TAPT1: variants seen among roughly 807,000 people sequenced by gnomAD.
The protein encoded by TAPT1 is transmembrane anterior posterior transformation protein 1 homolog.
A neutral mutation model predicts 65.6 loss-of-function variants in TAPT1; 28 were observed. That is an observed-to-expected ratio of 0.43 (90% CI 0.32 to 0.59). The LOEUF (loss-of-function observed/expected upper bound fraction) is 0.59. Ranked by LOEUF, TAPT1 falls within the 20% of genes least tolerant of loss-of-function variation. TAPT1 has a pLI of 0.09. For missense variants in TAPT1, 563 were observed against 679.9 expected (o/e 0.83, Z 1.91); for synonymous variants, 278 against 245.2 (o/e 1.13, Z -1.25).
In TAPT1 at chr4:16,163,257, C is replaced by T. The variant is rs1239447431; in HGVS notation, c.*51G>A. On this transcript the variant is annotated 3_prime_UTR_variant, in exon 14 of 14. Coordinates refer to ENST00000405303, the MANE Select transcript of TAPT1 (RefSeq NM_153365.3). ...TTAGCATCTATTTGTCCTGGCAACACAGCACTTGTTGCCCCAGGACCCAGC... is the reference window on the plus strand; with the variant it reads ...TTAGCATCTATTTGTCCTGGCAACATAGCACTTGTTGCCCCAGGACCCAGC... 1 of 1,318,320 alleles carries T rather than the reference C, an allele frequency of 7.6e-7. No homozygotes were observed. The highest frequency in any genetic ancestry group is 1.4e-5 in the African/African-American group (1 of 69,066). 81.7% of individuals were successfully genotyped at this position (1,318,320 alleles called of 1,614,324 possible). A position where few individuals can be genotyped will look rare whatever the true frequency, so the allele number is the denominator to read the frequency against.
chr4:16,203,758 C>T (rs1750178263), intron 2 of TAPT1, among the ~76,000 whole-genome samples: 1 of 152,178 alleles, frequency 6.6e-6, no homozygotes, highest in South Asian at 2.1e-4. Flanking sequence ...TTGTTTAAAC[C>T]ACCCAGTCTA....
At chr4:16,214,135 C>G (rs948077645) in intron 1 of TAPT1, among the ~76,000 whole-genome samples, 3 of 152,114 alleles carry the variant, frequency 2.0e-5, no homozygotes, top group Non-Finnish European at 2.9e-5. Context: ...TTATTAAGGG[C>G]TAGAATAGTC....
chr4:16,179,523 G>T, intron 8 of TAPT1, 54 bp downstream of exon 8: 1 of 1,087,226 alleles, frequency 9.2e-7, no homozygotes, highest in South Asian at 1.6e-5. Flanking sequence ...GTAAAAGAAT[G>T]ATTTTGGCTT....
At chr4:16,165,386 T>G (rs751189241) in intron 13 of TAPT1, among the ~76,000 whole-genome samples, 6 of 151,564 alleles carry the variant, frequency 4.0e-5, no homozygotes, top group Non-Finnish European at 8.8e-5. Flanking sequence ...CTGGCTAACA[T>G]GGTGAAACCC....
chr4:16,217,985 AT>A (rs1751037653), intron 1 of TAPT1, among the ~76,000 whole-genome samples: 1 of 152,242 alleles, frequency 6.6e-6, no homozygotes, highest in South Asian at 2.1e-4. Flanking sequence ...GGAGATCCTC[AT>A]TGTCCACACT....
chr4:16,194,533 T>C (rs551390413), intron 3 of TAPT1, among the ~76,000 whole-genome samples: 1 of 152,254 alleles, frequency 6.6e-6, no homozygotes, highest in African/African-American at 2.4e-5. Flanking sequence ...GAACCTACTA[T>C]CTTTCTGTAA....
chr4:16,205,592 G>A (rs768785647), intron 2 of TAPT1, among the ~76,000 whole-genome samples: 2 of 152,136 alleles, frequency 1.3e-5, no homozygotes, highest in African/African-American at 2.4e-5. Flanking sequence ...TCTGTAAAGC[G>A]TGTGTATTTG....
At chr4:16,199,181 T>A (rs1749891670) in intron 3 of TAPT1, among the ~76,000 whole-genome samples, 1 of 152,204 alleles carries the variant, frequency 6.6e-6, no homozygotes, top group Non-Finnish European at 1.5e-5. Flanking sequence ...AACAGTTATA[T>A]AATTTTAACT....
At chr4:16,166,916 A>G in intron 12 of TAPT1, 123 bp from the exon 13 acceptor site, 1 of 887,026 alleles carries the variant, frequency 1.1e-6, no homozygotes, top group South Asian at 2.0e-5. Context: ...TTAGGGATTT[A>G]GAGGAACTTA....
chr4:16,196,720 C>A, intron 3 of TAPT1: 1 of 1,286,346 alleles, frequency 7.8e-7, no homozygotes, highest in Non-Finnish European at 1.0e-6. Flanking sequence ...CTCCTCCCTT[C>A]GGTCTGATTT....
intron 2 of TAPT1, among the ~76,000 whole-genome samples, chr4:16,210,394 A>G (rs1373832120): frequency 1.3e-5 from 2 of 152,244 alleles, no homozygotes; most frequent in Non-Finnish European, 2.9e-5. Flanking sequence ...CACATCCCAA[A>G]GATGAAAGCT....
chr4:16,198,419 A>G (rs1230163503), intron 3 of TAPT1, among the ~76,000 whole-genome samples: 1 of 152,228 alleles, frequency 6.6e-6, no homozygotes, highest in Non-Finnish European at 1.5e-5. Flanking sequence ...AGAGTCTGCA[A>G]AGAGTTACTG....
intron 3 of TAPT1, among the ~76,000 whole-genome samples, chr4:16,199,757 A>G (rs1280481101): frequency 2.0e-5 from 3 of 152,088 alleles, no homozygotes; most frequent in Non-Finnish European, 2.9e-5. Context: ...ACAACTGGCT[A>G]ATTTTTTATT....
At chr4:16,166,194 A>AG (rs1388659006) in intron 13 of TAPT1, among the ~76,000 whole-genome samples, 1 of 152,314 alleles carries the variant, frequency 6.6e-6, no homozygotes, top group East Asian at 1.9e-4. Flanking sequence ...CTCGGGCTCC[A>AG]GGACTCTGTG....
chr4:16,213,956 C>A, intron 1 of TAPT1, 58 bp from the exon 2 acceptor site: 1 of 1,486,036 alleles, frequency 6.7e-7, no homozygotes, highest in East Asian at 2.4e-5. Context: ...GGAACTTCCA[C>A]GCTAGCTGGG....
At chr4:16,183,108 T>C (rs975991112) in intron 7 of TAPT1, 30 of 152,236 alleles carry the variant, frequency 2.0e-4, no homozygotes, top group Admixed American at 1.5e-3. Flanking sequence ...CATATTCATA[T>C]AAAGAGTAAA....
chr4:16,162,559 T>C lies in TAPT1; in HGVS notation c.*749A>G, dbSNP rs1747325354. On this transcript the variant is annotated 3_prime_UTR_variant, in exon 14 of 14. Coordinates refer to ENST00000405303, the MANE Select transcript of TAPT1 (RefSeq NM_153365.3). ...TTCCTTGGTGTAAAAAGTGCCCTTT[T>C]GTAAGGAAATTTGTTTTATCCACCA... is the stretch of plus-strand genomic sequence containing the variant. 8.4e-6 allele frequency: 1 copy of C among 118,752 alleles called. No individual in the cohort carries two copies. Among genetic ancestry groups the C allele is most frequent in the African/African-American group, 4.2e-5 (1 of 23,750 alleles). 7.4% of individuals were successfully genotyped at this position (118,752 alleles called of 1,614,324 possible). A position where few individuals can be genotyped will look rare whatever the true frequency, so the allele number is the denominator to read the frequency against.
intron 13 of TAPT1, 76 bp from the exon 14 acceptor site, chr4:16,163,613 G>C: frequency 8.2e-7 from 1 of 1,226,008 alleles, no homozygotes; most frequent in Non-Finnish European, 1.1e-6. Flanking sequence ...TACCAATACA[G>C]TGGTGCTGAA....
chr4:16,205,483 T>G (rs1054446717), intron 2 of TAPT1, among the ~76,000 whole-genome samples: 38 of 152,072 alleles, frequency 2.5e-4, no homozygotes, highest in Middle Eastern at 3.2e-3. Context: ...AGGAAAGACA[T>G]CCTCTCCAGG....
Sources: allele counts gnomAD v4.1 joint callset (sites outside exome capture counted in the v4.1 genomes callset), GRCh38; gene constraint gnomAD v4.1.1; transcripts MANE v1.5; gene names NCBI Gene and HGNC (gene_info 2026-07-23, HGNC 2026-07-21).